The following RAB6A variants were observed in gnomAD, a reference collection of about 807,000 sequenced individuals.
RAB6A encodes ras-related protein Rab-6A.
In RAB6A, 8 loss-of-function variants were observed where a neutral mutation model predicts 32.3. The observed-to-expected ratio is 0.25, with a 90% CI of 0.15 to 0.45. The LOEUF (loss-of-function observed/expected upper bound fraction) is 0.45. Ranked by LOEUF, RAB6A falls within the 20% of genes least tolerant of loss-of-function variation. The probability of loss-of-function intolerance (pLI) is 1.00; values close to 1 mark genes in which losing one functional copy is unlikely to be tolerated. For missense variants in RAB6A, 104 were observed against 249.4 expected (o/e 0.42, Z 3.93); for synonymous variants, 73 against 82.1 (o/e 0.89, Z 0.60).
At chr11:73,684,090 T>C (rs1945401734) in intron 6 of RAB6A, among the ~76,000 whole-genome samples, 1 of 152,158 alleles carries the variant, frequency 6.6e-6, no homozygotes, top group African/African-American at 2.4e-5. Flanking sequence ...ACATTATGAT[T>C]TGCAGAAGGC....
At chr11:73,730,091 T>C (rs1320439947) in intron 2 of RAB6A, 2 of 152,282 alleles carry the variant, frequency 1.3e-5, no homozygotes, top group Non-Finnish European at 2.9e-5. Flanking sequence ...AATCATCTCC[T>C]GATCTATTGG....
At chr11:73,750,623 T>C (rs531633539) in intron 1 of RAB6A, among the ~76,000 whole-genome samples, 53 of 151,658 alleles carry the variant, frequency 3.5e-4, no homozygotes, top group Non-Finnish European at 6.6e-4. Flanking sequence ...TCCCAAACTG[T>C]TGGGATTACA....
chr11:73,703,692 A>T (rs1006520180), intron 6 of RAB6A, among the ~76,000 whole-genome samples: 1 of 152,152 alleles, frequency 6.6e-6, no homozygotes, highest in African/African-American at 2.4e-5. Context: ...CAGTGAGCCA[A>T]GATTGTGCCA....
At chr11:73,701,944 C>T (rs76546711) in intron 6 of RAB6A, among the ~76,000 whole-genome samples, 4,477 of 152,246 alleles carry the variant, frequency 0.029, 85 homozygotes, top group Non-Finnish European at 0.046. Flanking sequence ...CCACACACAG[C>T]CCACGAGGGA....
intron 6 of RAB6A, among the ~76,000 whole-genome samples, chr11:73,683,898 T>C (rs1945398357): frequency 1.3e-5 from 2 of 152,148 alleles, no homozygotes; most frequent in South Asian, 2.1e-4. Context: ...TAAAATACTA[T>C]GAAACAGCAT....
At chr11:73,698,756 C>T (rs1404654733) in intron 6 of RAB6A, among the ~76,000 whole-genome samples, 1 of 151,166 alleles carries the variant, frequency 6.6e-6, no homozygotes, top group Non-Finnish European at 1.5e-5. Flanking sequence ...AGTCTTGTAT[C>T]ATACATATGT....
chr11:73,736,134 T>G (rs1280919109), intron 1 of RAB6A, among the ~76,000 whole-genome samples: 1 of 151,856 alleles, frequency 6.6e-6, no homozygotes, highest in Non-Finnish European at 1.5e-5. Flanking sequence ...ATATGAGAAA[T>G]TCACCGTTTT....
chr11:73,684,169 T>TTG (rs1491441042), intron 6 of RAB6A, among the ~76,000 whole-genome samples: 1 of 14,280 alleles, frequency 7.0e-5, no homozygotes, highest in African/African-American at 2.0e-4. Context: ...TACATTGTTG[T>TTG]TTTTTTTTTT....
chr11:73,707,010 C>T (rs1202526254), intron 6 of RAB6A, among the ~76,000 whole-genome samples: 1 of 151,554 alleles, frequency 6.6e-6, no homozygotes, highest in Non-Finnish European at 1.5e-5. Flanking sequence ...CCCAGCTACC[C>T]GAGAGGCTGA....
chr11:73,731,721 TATATATATATAC>T (rs1240902716), intron 1 of RAB6A, among the ~76,000 whole-genome samples: 203 of 11,112 alleles, frequency 0.018, 2 homozygotes, highest in African/African-American at 0.022. Flanking sequence ...TATATATATA[TATATATATATAC>T]ACACACACAC....
chr11:73,730,139 A>C lies in RAB6A; in HGVS notation c.129+626T>G, dbSNP rs187707222. The C allele has an allele frequency of 2.0e-5, 3 of 152,406 alleles. No homozygotes were observed. In the East Asian group the frequency reaches 5.8e-4, roughly 29 times the overall value. 9.4% of individuals were successfully genotyped at this position (152,406 alleles called of 1,614,324 possible). ...GGAATAATGATAAAACCTAAATTTT[A>C]AAATAGCTTCTTCCTTCTGTCGCTT... On this transcript the variant is annotated intron_variant, in intron 2 of 7. Transcript: ENST00000336083.
chr11:73,747,269 G>A (rs1486736493), intron 1 of RAB6A, among the ~76,000 whole-genome samples: 22 of 148,928 alleles, frequency 1.5e-4, no homozygotes, highest in African/African-American at 4.5e-4. Flanking sequence ...GCAGTGGTGC[G>A]ATCTCGGCTC....
chr11:73,700,255 A>C (rs35132278), intron 6 of RAB6A, among the ~76,000 whole-genome samples: 6,983 of 152,256 alleles, frequency 0.046, 190 homozygotes, highest in Middle Eastern at 0.071. Flanking sequence ...TTTCTTCAGC[A>C]ATTTAAACAC....
chr11:73,711,310 T>C (rs974735516), intron 5 of RAB6A, among the ~76,000 whole-genome samples: 2 of 152,192 alleles, frequency 1.3e-5, no homozygotes, highest in African/African-American at 4.8e-5. Context: ...TTGCTTTAGG[T>C]AATGTGTATA....
intron 1 of RAB6A, among the ~76,000 whole-genome samples, chr11:73,739,043 A>C (rs1946446508): frequency 6.6e-6 from 1 of 150,994 alleles, no homozygotes; most frequent in African/African-American, 2.4e-5. Flanking sequence ...TGAGGTGGGC[A>C]GATCACTTGA....
Position 73,747,751 on chromosome 11 carries a change from C to G in RAB6A, c.70+12815G>C, listed in dbSNP as rs115585969. On this transcript the variant is annotated intron_variant, in intron 1 of 7. Transcript: ENST00000336083. The stretch of plus-strand genomic sequence containing the variant: ...CTTGTTTTCATGACATGGACACTTT[C>G]AAATAATACTTGTCAGTTGTTTCAT... Among the ~76,000 whole-genome samples, 293 of 152,232 alleles carry G rather than the reference C, an allele frequency of 1.9e-3. 1 individual carries two copies. Among genetic ancestry groups the G allele is most frequent in the African/African-American group, 6.5e-3 (269 of 41,550 alleles).
intron 1 of RAB6A, among the ~76,000 whole-genome samples, chr11:73,749,242 A>C (rs1235301862): frequency 2.0e-5 from 3 of 152,220 alleles, no homozygotes; most frequent in East Asian, 3.8e-4. Flanking sequence ...ACCATTACTA[A>C]GTGAAGTAAC....
intron 1 of RAB6A, among the ~76,000 whole-genome samples, chr11:73,745,492 C>T (rs1473452189): frequency 6.6e-6 from 1 of 152,120 alleles, no homozygotes; most frequent in Non-Finnish European, 1.5e-5. Context: ...CGCCTATAAT[C>T]CCAGTACTTT....
intron 2 of RAB6A, among the ~76,000 whole-genome samples, chr11:73,721,909 T>C (rs946808549): frequency 2.0e-5 from 3 of 152,174 alleles, no homozygotes; most frequent in Non-Finnish European, 2.9e-5. Flanking sequence ...TTATTTCTGT[T>C]AGCAGAAAAA....
Sources: allele counts gnomAD v4.1 joint callset (sites outside exome capture counted in the v4.1 genomes callset), GRCh38; gene constraint gnomAD v4.1.1; transcripts MANE v1.5; gene names NCBI Gene and HGNC (gene_info 2026-07-23, HGNC 2026-07-21).